Variants in NAT8L observed in about 807,000 individuals in gnomAD.
The protein encoded by NAT8L is N-acetylaspartate synthetase.
A neutral mutation model predicts 21.2 loss-of-function variants in NAT8L; 6 were observed. The ratio of observed to expected loss-of-function variants is 0.28; its 90% CI spans 0.16 to 0.56. The LOEUF (loss-of-function observed/expected upper bound fraction) is 0.56, where lower values mean the gene tolerates loss of function less well. NAT8L is among the 20% of genes least tolerant of loss of function. The pLI is 0.93. For synonymous variants in NAT8L, 239 were observed against 204.9 expected, an observed-to-expected ratio of 1.17 and a Z score of -1.42; for missense variants, 331 against 433.3, an observed-to-expected ratio of 0.76 and a Z score of 2.10.
chr4:2,061,195 G>A lies in NAT8L; in HGVS notation c.541+33G>A, dbSNP rs193116523. 1,051 of 1,608,922 alleles carry A rather than the reference G, an allele frequency of 6.5e-4. 20 individuals carry two copies. The East Asian group carries it at 0.018, about 28-fold the overall frequency. ...CCGCTCCCGCCGCTCCCCGACCTCC[G>A]CCCCAGACAGCCCTCGGGGGCACGC... On this transcript the variant is annotated intron_variant, in intron 2 of 2. Coordinates refer to ENST00000423729, the MANE Select transcript of NAT8L (RefSeq NM_178557.4).
chr4:2,059,900 G>A lies in NAT8L; in HGVS notation c.376+13G>A, dbSNP rs1319903202. The A allele has an allele frequency of 7.9e-7, 1 of 1,272,634 alleles. No homozygotes were observed. Among genetic ancestry groups the A allele is most frequent in the Admixed American group, 3.2e-5 (1 of 31,048 alleles). 78.8% of individuals were successfully genotyped at this position (1,272,634 alleles called of 1,614,324 possible). ...GCCCTGCTGGCGGGTCAGTGCGCCGGGCCCCCGGCTGCCGCAGTCCCTCGG... is the reference window on the plus strand; with the variant it reads ...GCCCTGCTGGCGGGTCAGTGCGCCGAGCCCCCGGCTGCCGCAGTCCCTCGG... On this transcript the variant is annotated intron_variant, in intron 1 of 2. Coordinates refer to ENST00000423729, the MANE Select transcript of NAT8L (RefSeq NM_178557.4). The surrounding 1 kb of genome is among the most constrained non-coding windows in gnomAD (Gnocchi z 4.8).
rs537564396 is a variant in NAT8L, at chr4:2,060,142, C to T, written c.376+255C>T. Reference sequence around the variant, plus strand: ...CCGCGCAGCCCCCCACCCCCACCGCCTCCCCTGTCCCCTCCCGGGCATCCT... The same window carrying T: ...CCGCGCAGCCCCCCACCCCCACCGCTTCCCCTGTCCCCTCCCGGGCATCCT... On this transcript the variant is annotated intron_variant, in intron 1 of 2. Coordinates refer to ENST00000423729, the MANE Select transcript of NAT8L (RefSeq NM_178557.4). This position sits in a 1 kb window ranked among gnomAD's most constrained non-coding sequence, Gnocchi z 4.7. Among the ~76,000 whole-genome samples, 1,330 of 152,200 alleles carry T rather than the reference C, an allele frequency of 8.7e-3. 20 individuals are homozygous for T. Among genetic ancestry groups the T allele is most frequent in the African/African-American group, 0.029 (1,209 of 41,562 alleles).
Position 2,060,956 on chromosome 4 carries a change from G to A in NAT8L, c.377-42G>A, listed in dbSNP as rs1577666209. On this transcript the variant is annotated intron_variant, in intron 1 of 2. Transcript: ENST00000423729. The surrounding 1 kb of genome is among the most constrained non-coding windows in gnomAD (Gnocchi z 4.7). ...GCCGGGGTGGCGTCTCTGGGGCCTG[G>A]GGACCCCCGCCGCGCCGCTGACCCG... The A allele has an allele frequency of 8.1e-7, 1 of 1,227,728 alleles. No individual in the cohort carries two copies. Among genetic ancestry groups the A allele is most frequent in the South Asian group, 1.4e-5 (1 of 69,228 alleles). The allele number at this position is 1,227,728 out of a possible 1,614,324, so 76.1% of individuals were successfully genotyped here.
Position 2,065,443 on chromosome 4 carries a change from G to C in NAT8L, c.*1316G>C, listed in dbSNP as rs1341935748. On this transcript the variant is annotated 3_prime_UTR_variant, in exon 3 of 3. Transcript: ENST00000423729. ...CTGCCCTGGACGGGGGGCGGGGGGG[G>C]TGGCCTGGAAGGGGAGACAGAGGTG... 6.6e-6 allele frequency: 1 copy of C among 152,080 alleles called. No homozygotes were observed. Among genetic ancestry groups the C allele is most frequent in the Non-Finnish European group, 1.5e-5 (1 of 68,194 alleles). The allele number at this position is 152,080 out of a possible 1,614,324, so 9.4% of individuals were successfully genotyped here.
rs1729848891 is a variant in NAT8L, at chr4:2,061,095, C to T, written c.474C>T (p.Arg158=). The T allele has an allele frequency of 1.9e-6, 3 of 1,611,096 alleles. No individual in the cohort carries two copies. The highest frequency in any genetic ancestry group is 2.2e-5 in the East Asian group (1 of 44,818). Residue 158 remains arginine, a synonymous_variant, in exon 2 of 3, where the codon CGC becomes CGT. Transcript: ENST00000423729. Reference sequence around the variant, plus strand: ...ACTACTACAGCCGCAAGGTGATCCGCGCCTACCTGGAGTGCGCGCTGCACA... The same window carrying T: ...ACTACTACAGCCGCAAGGTGATCCGTGCCTACCTGGAGTGCGCGCTGCACA... ...LRYYYSRKVI[R]AYLECALHTD... is the part of the protein sequence containing the mutation.
chr4:2,064,041 C>T lies in NAT8L; in HGVS notation c.823C>T (p.Leu275=), dbSNP rs1196454254. The T allele has an allele frequency of 1.2e-6, 2 of 1,611,250 alleles. No homozygotes were observed. The highest frequency in any genetic ancestry group is 1.3e-5 in the African/African-American group (1 of 74,926). The change falls in exon 3 of 3, where the codon CTG becomes TTG. Residue 275 remains leucine (L), a synonymous_variant. Transcript: ENST00000423729. The part of the protein sequence containing the change: ...RHMGASDHYV[L]PGMTLSLAER... ...CATGGGCGCCAGTGACCACTACGTG[C>T]TGCCGGGCATGACCCTCTCGCTGGC...
chr4:2,061,276 C>T (rs1202606711), intron 2 of NAT8L, 114 bp downstream of exon 2: 11 of 1,520,046 alleles, frequency 7.2e-6, no homozygotes, highest in Middle Eastern at 2.2e-4. Flanking sequence ...GGGCCTGAGC[C>T]GGGGCCCCTG....
At position 2,064,029 on chromosome 4, in the gene NAT8L, G is replaced by A. The variant is rs914593224; in HGVS notation, c.811G>A (p.Asp271Asn). ...SLGFRHMGAS[D>N]HYVLPGMTLS... The stretch of plus-strand genomic sequence containing the variant: ...GGGCTTCAGACACATGGGCGCCAGT[G>A]ACCACTACGTGCTGCCGGGCATGAC... Residue 271 changes from aspartate (D) to asparagine (N), a missense_variant, in exon 3 of 3, where the codon GAC becomes AAC. This residue lies in a region of NAT8L where 132 missense variants were observed against 237.1 expected (regional missense o/e 0.56). Coordinates refer to ENST00000423729, the MANE Select transcript of NAT8L (RefSeq NM_178557.4). 2 of 1,611,716 alleles carry A rather than the reference G, an allele frequency of 1.2e-6. No homozygotes were observed. Among genetic ancestry groups the A allele is most frequent in the Non-Finnish European group, 1.7e-6 (2 of 1,179,614 alleles).
chr4:2,062,807 G>A (rs996098615), intron 2 of NAT8L, among the ~76,000 whole-genome samples: 6 of 152,164 alleles, frequency 3.9e-5, no homozygotes, highest in African/African-American at 1.4e-4. Context: ...GCCTCCTTGA[G>A]TAGGAGGCTG....
Position 2,063,840 on chromosome 4 carries a change from G to A in NAT8L, c.622G>A (p.Val208Met), listed in dbSNP as rs1013429086. 6.2e-7 allele frequency: 1 copy of A among 1,612,434 alleles called. No individual in the cohort carries two copies. The highest frequency in any genetic ancestry group is 8.5e-7 in the Non-Finnish European group (1 of 1,179,960). ...AARAHEEDNTVELLRMSVDSR... is the reference protein window; with the variant it reads ...AARAHEEDNTMELLRMSVDSR... Reference sequence around the variant, plus strand: ...ACGGGCCCACGAGGAGGACAACACGGTGGAGCTGCTGCGGATGTCTGTGGA... The same window carrying A: ...ACGGGCCCACGAGGAGGACAACACGATGGAGCTGCTGCGGATGTCTGTGGA... Residue 208 changes from valine to methionine, a missense_variant, in exon 3 of 3, where the codon GTG (valine) becomes ATG (methionine). By Grantham distance (21) the Val-to-Met change is conservative. This residue lies in a region of NAT8L where 132 missense variants were observed against 237.1 expected (regional missense o/e 0.56). Coordinates refer to ENST00000423729, the MANE Select transcript of NAT8L (RefSeq NM_178557.4).
Position 2,061,008 on chromosome 4 carries a change from C to A in NAT8L, c.387C>A (p.Phe129Leu). Residue 129 changes from phenylalanine to leucine, a missense_variant, in exon 2 of 3, where the codon TTC (phenylalanine) becomes TTA (leucine). Physicochemically the swap from Phe to Leu is conservative, Grantham distance 22 (BLOSUM62 0). Coordinates refer to ENST00000423729, the MANE Select transcript of NAT8L (RefSeq NM_178557.4). Reference protein sequence around the residue: ...LLYALLAALCFAVSRSLLLTC... With the variant: ...LLYALLAALCLAVSRSLLLTC... ...GCCCTCTGCCCCCAGCGCTGTGCTT[C>A]GCCGTGAGCCGCTCGCTGCTGCTGA... 2 of 1,540,738 alleles carry A rather than the reference C, an allele frequency of 1.3e-6. No homozygotes were observed. Among genetic ancestry groups the A allele is most frequent in the African/African-American group, 1.4e-5 (1 of 72,944 alleles).
At chr4:2,062,325 G>T (rs765217409) in intron 2 of NAT8L, among the ~76,000 whole-genome samples, 2 of 152,146 alleles carry the variant, frequency 1.3e-5, no homozygotes, top group Non-Finnish European at 2.9e-5. Context: ...CATGGTGCTG[G>T]GGGTTGCTAC....
Position 2,065,258 on chromosome 4 carries a change from G to C in NAT8L, c.*1131G>C, listed in dbSNP as rs1025373410. ...TTCCTGCCATGGAGCACGCCTCCCA[G>C]CCCTGGCCTGCAGTGTGGGCAGGGT... On this transcript the variant is annotated 3_prime_UTR_variant, in exon 3 of 3. Transcript: ENST00000423729. The C allele has an allele frequency of 6.6e-6, 1 of 152,158 alleles. No individual in the cohort carries two copies. Among genetic ancestry groups the C allele is most frequent in the African/African-American group, 2.4e-5 (1 of 41,406 alleles). The allele number at this position is 152,158 out of a possible 1,614,324, so 9.4% of individuals were successfully genotyped here.
rs985262235 is a variant in NAT8L, at chr4:2,068,388, G to T, written c.*4261G>T. The T allele has an allele frequency of 6.6e-6, 1 of 152,278 alleles. No homozygotes were observed. Among genetic ancestry groups the T allele is most frequent in the Admixed American group, 6.5e-5 (1 of 15,278 alleles). The allele number at this position is 152,278 out of a possible 1,614,324, so 9.4% of individuals were successfully genotyped here. On this transcript the variant is annotated 3_prime_UTR_variant, in exon 3 of 3. Coordinates refer to ENST00000423729, the MANE Select transcript of NAT8L (RefSeq NM_178557.4). ...CATAAGCATGCACGTGTGTATGAAT[G>T]TGCGTGTGTATGCATGAGCACGTAT... is the stretch of plus-strand genomic sequence containing the variant.
At chr4:2,061,985 G>C (rs1161478425) in intron 2 of NAT8L, among the ~76,000 whole-genome samples, 1 of 152,186 alleles carries the variant, frequency 6.6e-6, no homozygotes, top group Non-Finnish European at 1.5e-5. Context: ...GGTGCCTGCT[G>C]CTCTCCCTGA....
At position 2,064,155 on chromosome 4, in the gene NAT8L, C is replaced by A; in HGVS notation, c.*28C>A. Reference sequence around the variant, plus strand: ...GCCGCCGCTCGCCCGCCCGCCCCCCCGGCCGCCCTGTCCGCCTTTGCCCGC... The same window carrying A: ...GCCGCCGCTCGCCCGCCCGCCCCCCAGGCCGCCCTGTCCGCCTTTGCCCGC... On this transcript the variant is annotated 3_prime_UTR_variant, in exon 3 of 3. Transcript: ENST00000423729. 4.0e-6 allele frequency: 6 copies of A among 1,484,356 alleles called. No individual in the cohort carries two copies. Among genetic ancestry groups the A allele is most frequent in the Non-Finnish European group, 5.4e-6 (6 of 1,117,568 alleles). 91.9% of individuals were successfully genotyped at this position (1,484,356 alleles called of 1,614,324 possible). A position where few individuals can be genotyped will look rare whatever the true frequency, so the allele number is the denominator to read the frequency against.
rs748615921 is a variant in NAT8L at position 2,064,107 on chromosome 4, C to G, written c.889C>G (p.Leu297Val). ...CCAGGTCCGCTACCACCGCTACCGC[C>G]TGCAGCTGCGCGAGGAGTGACCGCC... ...FFQVRYHRYR[L>V]QLREE Residue 297 changes from leucine to valine, a missense_variant, in exon 3 of 3, where the codon CTG becomes GTG. Transcript: ENST00000423729. 1 of 1,597,040 alleles carries G rather than the reference C, an allele frequency of 6.3e-7. No individual in the cohort carries two copies. The highest frequency in any genetic ancestry group is 2.2e-5 in the East Asian group (1 of 44,458).
chr4:2,061,210 C>G (rs774949352), intron 2 of NAT8L, 48 bp downstream of exon 2: 9 of 1,605,798 alleles, frequency 5.6e-6, no homozygotes, highest in Non-Finnish European at 7.6e-6. Context: ...AGACAGCCCT[C>G]GGGGGCACGC....
At position 2,059,967 on chromosome 4, in the gene NAT8L, C is replaced by T. The variant is rs1204571581; in HGVS notation, c.376+80C>T. The T allele has an allele frequency of 2.4e-6, 2 of 848,514 alleles. No homozygotes were observed. The highest frequency in any genetic ancestry group is 5.1e-5 in the East Asian group (1 of 19,642). The allele number at this position is 848,514 out of a possible 1,614,324, so 52.6% of individuals were successfully genotyped here. ...CCCGCCCCGGCGTCCACGCGGACCC[C>T]GCGCCCGGCTCCCGGGGACCAGCCT... is the stretch of plus-strand genomic sequence containing the variant. On this transcript the variant is annotated intron_variant, in intron 1 of 2. Transcript: ENST00000423729. This position sits in a 1 kb window ranked among gnomAD's most constrained non-coding sequence, Gnocchi z 4.8.
Sources: allele counts gnomAD v4.1 joint callset (sites outside exome capture counted in the v4.1 genomes callset), GRCh38; gene constraint gnomAD v4.1.1; regional missense constraint gnomAD v4.1.1; non-coding constraint Gnocchi (gnomAD v3.1); transcripts MANE v1.5; gene names NCBI Gene and HGNC (gene_info 2026-07-23, HGNC 2026-07-21).